The following SLC30A8 variants were observed in gnomAD, a reference collection of about 807,000 sequenced individuals.
The protein encoded by SLC30A8 is solute carrier family 30 member 8, also known as proton-coupled zinc antiporter SLC30A8.
Under a neutral mutation model 36.9 loss-of-function variants are expected in SLC30A8, and 27 were observed. That is an observed-to-expected ratio of 0.73 (90% CI 0.54 to 1.01). The LOEUF (loss-of-function observed/expected upper bound fraction) is 1.01, where lower values mean the gene tolerates loss of function less well. SLC30A8 is among the 50% of genes least tolerant of loss of function. SLC30A8 has a pLI of 0.00. For missense variants in SLC30A8, 439 were observed against 452.0 expected (o/e 0.97, Z 0.26); for synonymous variants, 164 against 172.4 (o/e 0.95, Z 0.38).
At chr8:117,096,511 T>A (rs1383283175) in intron 2 of SLC30A8, among the ~76,000 whole-genome samples, 1 of 152,074 alleles carries the variant, frequency 6.6e-6, no homozygotes. Context: ...TTAAGATTCA[T>A]CCAACATTTG....
At chr8:117,117,674 TAGGACTTAAGGGAGA>T (rs1295134584) in intron 2 of SLC30A8, among the ~76,000 whole-genome samples, 2 of 151,974 alleles carry the variant, frequency 1.3e-5, no homozygotes, top group African/African-American at 4.8e-5. Flanking sequence ...ATGAATTTTA[TAGGACTTAAGGGAGA>T]ACTTGCAGTT....
At position 117,119,420 on chromosome 8, in the gene SLC30A8, C is replaced by A. The variant is rs1563609074; in HGVS notation, c.-225-15860C>A. 2.7e-5 allele frequency among the ~76,000 whole-genome samples: 4 copies of A among 150,096 alleles called. No individual in the cohort carries two copies. In the South Asian group the frequency reaches 8.3e-4, roughly 31 times the overall value. On this transcript the variant is annotated intron_variant, in intron 2 of 10. Coordinates refer to the SLC30A8 transcript ENST00000427715. ...GGGAAAGGAGACTGCTGGCCAATGC[C>A]AGGGTTTTGGCTGCTGAAGTAACCT... is the stretch of plus-strand genomic sequence containing the variant.
intron 4 of SLC30A8, among the ~76,000 whole-genome samples, 156 bp from the exon 5 acceptor site, chr8:117,161,582 A>G (rs1822791144): frequency 6.6e-6 from 1 of 152,368 alleles, no homozygotes; most frequent in East Asian, 1.9e-4. Context: ...TGACATATGT[A>G]TTTAAACATT....
At chr8:117,013,174 G>A (rs1309765609) in intron 1 of SLC30A8, among the ~76,000 whole-genome samples, 1 of 152,186 alleles carries the variant, frequency 6.6e-6, no homozygotes, top group African/African-American at 2.4e-5. Context: ...GAAATGTCAA[G>A]AAATTTGGAA....
intron 1 of SLC30A8, among the ~76,000 whole-genome samples, chr8:117,014,843 T>C (rs905839202): frequency 6.6e-6 from 1 of 152,116 alleles, no homozygotes; most frequent in Non-Finnish European, 1.5e-5. Context: ...GGGAGAGGGA[T>C]GGATTTGAGG....
intron 2 of SLC30A8, among the ~76,000 whole-genome samples, chr8:117,066,867 G>C (rs1390835440): frequency 1.3e-5 from 2 of 152,114 alleles, no homozygotes; most frequent in Non-Finnish European, 2.9e-5. Context: ...TTGATGACAT[G>C]TTCTGAGCTT....
intron 1 of SLC30A8, among the ~76,000 whole-genome samples, chr8:117,007,578 G>C (rs1189190602): frequency 6.6e-6 from 1 of 152,198 alleles, no homozygotes; most frequent in African/African-American, 2.4e-5. Context: ...ACAATCTCAT[G>C]TTAAGTCCAT....
At chr8:117,091,384 T>C (rs924928542) in intron 2 of SLC30A8, among the ~76,000 whole-genome samples, 12 of 74,040 alleles carry the variant, frequency 1.6e-4, no homozygotes, top group Admixed American at 1.1e-3. Context: ...ACAGAATCCA[T>C]TTTTTTTCTC....
intron 1 of SLC30A8, chr8:117,146,707 A>G: frequency 1.6e-6 from 1 of 643,834 alleles, no homozygotes; most frequent in Non-Finnish European, 2.3e-6. Context: ...TCTCTTAATA[A>G]TTGGTGGCAT....
chr8:117,150,796 G>A lies in SLC30A8; in HGVS notation c.272-2148G>A, dbSNP rs186137682. Among the ~76,000 whole-genome samples, 110 of 152,088 alleles carry A rather than the reference G, an allele frequency of 7.2e-4. 1 individual carries two copies. The East Asian group carries it at 0.015, about 21-fold the overall frequency. ...AATTTTTCATATTTTTAGTGGAGAC[G>A]GGGTTTCACCGTGTTAGCCAGGATG... On this transcript the variant is annotated intron_variant, in intron 2 of 7. Transcript: ENST00000456015.
intron 4 of SLC30A8, among the ~76,000 whole-genome samples, chr8:117,160,352 T>C (rs1012341874): frequency 6.6e-6 from 1 of 152,196 alleles, no homozygotes; most frequent in African/African-American, 2.4e-5. Context: ...CAGATTCCTC[T>C]GTTGTATTAC....
At chr8:117,030,001 T>G (rs1816984997) in intron 1 of SLC30A8, among the ~76,000 whole-genome samples, 1 of 152,158 alleles carries the variant, frequency 6.6e-6, no homozygotes, top group African/African-American at 2.4e-5. Context: ...ATTTTTAAGT[T>G]TGATGAAAAT....
chr8:117,070,919 A>T (rs558475755), intron 2 of SLC30A8, among the ~76,000 whole-genome samples: 4 of 152,212 alleles, frequency 2.6e-5, no homozygotes, highest in African/African-American at 7.2e-5. Context: ...GTGTATATAT[A>T]TCACTTTTTC....
chr8:117,005,530 A>T (rs1816147030), intron 1 of SLC30A8, among the ~76,000 whole-genome samples: 1 of 152,190 alleles, frequency 6.6e-6, no homozygotes, highest in Non-Finnish European at 1.5e-5. Flanking sequence ...TGCTGCTATT[A>T]ATATGCATGT....
At chr8:117,057,721 A>C (rs1817914891) in intron 2 of SLC30A8, among the ~76,000 whole-genome samples, 1 of 152,120 alleles carries the variant, frequency 6.6e-6, no homozygotes. Flanking sequence ...TGGCTGAATG[A>C]TATTCTATTT....
At chr8:116,988,446 TCTTG>T (rs1322092576) in intron 1 of SLC30A8, among the ~76,000 whole-genome samples, 1 of 152,196 alleles carries the variant, frequency 6.6e-6, no homozygotes, top group Admixed American at 6.5e-5. Context: ...TCATGATGTC[TCTTG>T]CTTTATGGGC....
At chr8:117,112,584 C>A (rs1410778630) in intron 2 of SLC30A8, among the ~76,000 whole-genome samples, 6 of 152,006 alleles carry the variant, frequency 3.9e-5, no homozygotes, top group Non-Finnish European at 5.9e-5. Context: ...TTTCCCAGAG[C>A]AAAAATGAAG....
intron 3 of SLC30A8, among the ~76,000 whole-genome samples, chr8:117,153,348 G>C (rs1055621805): frequency 1.4e-4 from 21 of 152,162 alleles, no homozygotes; most frequent in African/African-American, 5.1e-4. Context: ...CCCAGCCTCA[G>C]GGACTCTGTG....
At chr8:117,113,556 G>A (rs1211905380) in intron 2 of SLC30A8, among the ~76,000 whole-genome samples, 1 of 152,132 alleles carries the variant, frequency 6.6e-6, no homozygotes, top group Non-Finnish European at 1.5e-5. Context: ...CCCAGGAACT[G>A]GAATTTTATT....
Sources: allele counts gnomAD v4.1 joint callset (sites outside exome capture counted in the v4.1 genomes callset), GRCh38; gene constraint gnomAD v4.1.1; transcripts MANE v1.5; gene names NCBI Gene and HGNC (gene_info 2026-07-23, HGNC 2026-07-21).